Variants in XKR9 observed in about 807,000 individuals in gnomAD.
The protein encoded by XKR9 is XK related 9, also known as XK-related protein 9.
Under a neutral mutation model 32.0 loss-of-function variants are expected in XKR9, and 32 were observed. That is an observed-to-expected ratio of 1.00 (90% CI 0.76 to 1.34). The LOEUF (loss-of-function observed/expected upper bound fraction) is 1.34. XKR9 is among the 40% of genes most tolerant of loss of function. XKR9 has a pLI of 0.00. For synonymous variants in XKR9, 168 were observed against 143.4 expected, an observed-to-expected ratio of 1.17 and a Z score of -1.22; for missense variants, 546 against 429.7, an observed-to-expected ratio of 1.27 and a Z score of -2.39.
intron 3 of XKR9, among the ~76,000 whole-genome samples, chr8:70,701,083 G>T (rs544275157): frequency 6.6e-6 from 1 of 152,148 alleles, no homozygotes; most frequent in Non-Finnish European, 1.5e-5. Context: ...TCCAGGTGCC[G>T]TCTGTAACCC....
chr8:70,782,104 G>A (rs1010854029), intron 2 of XKR9, among the ~76,000 whole-genome samples: 2 of 151,448 alleles, frequency 1.3e-5, no homozygotes, highest in African/African-American at 4.8e-5. Flanking sequence ...ACTATCACCT[G>A]GACTTAGGTT....
chr8:70,964,143 A>G, the XKR9 span, among the ~76,000 whole-genome samples: 1 of 152,076 alleles, frequency 6.6e-6, no homozygotes, highest in Non-Finnish European at 1.5e-5. Flanking sequence ...ACTTTTTTGT[A>G]TAAGGTATAA....
At chr8:70,809,346 AAAAC>A in the XKR9 span, among the ~76,000 whole-genome samples, 1 of 152,218 alleles carries the variant, frequency 6.6e-6, no homozygotes, top group Non-Finnish European at 1.5e-5. Context: ...ACATGGGAAA[AAAAC>A]AGAGAAGAAA....
At chr8:70,769,984 G>A (rs149857581) in intron 2 of XKR9, among the ~76,000 whole-genome samples, 209 of 152,132 alleles carry the variant, frequency 1.4e-3, no homozygotes, top group Non-Finnish European at 1.8e-3. Context: ...TTCCCTTGCT[G>A]GCGAGGAATT....
chr8:70,964,210 T>C, the XKR9 span, among the ~76,000 whole-genome samples: 2 of 152,196 alleles, frequency 1.3e-5, no homozygotes, highest in Non-Finnish European at 2.9e-5. Flanking sequence ...CCCAGAACCA[T>C]TTATTAAATA....
At chr8:70,700,862 T>C (rs1315015440) in intron 3 of XKR9, among the ~76,000 whole-genome samples, 1 of 152,194 alleles carries the variant, frequency 6.6e-6, no homozygotes, top group African/African-American at 2.4e-5. Flanking sequence ...CCAGCTGCTT[T>C]GTTTACCTGA....
At chr8:70,812,929 T>A in the XKR9 span, among the ~76,000 whole-genome samples, 1 of 152,150 alleles carries the variant, frequency 6.6e-6, no homozygotes, top group Admixed American at 6.5e-5. Context: ...CTTCACAGAA[T>A]TGGAAAAAAC....
At chr8:70,810,196 C>A in the XKR9 span, among the ~76,000 whole-genome samples, 6 of 152,128 alleles carry the variant, frequency 3.9e-5, no homozygotes, top group South Asian at 2.1e-4. Context: ...AACTAAGCTT[C>A]ATAAGTGAAG....
At chr8:70,831,440 C>T in the XKR9 span, among the ~76,000 whole-genome samples, 1 of 151,972 alleles carries the variant, frequency 6.6e-6, no homozygotes, top group East Asian at 1.9e-4. Flanking sequence ...ATTTAAGTTT[C>T]TCTCGTGATT....
the XKR9 span, among the ~76,000 whole-genome samples, chr8:70,982,371 G>A: frequency 2.0e-5 from 3 of 152,262 alleles, no homozygotes; most frequent in South Asian, 6.2e-4. Flanking sequence ...TGGCTGTTGT[G>A]GGGGATAGCA....
intron 4 of XKR9, among the ~76,000 whole-genome samples, chr8:70,711,047 G>A (rs1296285244): frequency 6.6e-6 from 1 of 152,116 alleles, no homozygotes; most frequent in African/African-American, 2.4e-5. Context: ...AATAATTAGA[G>A]AAATGCAAAT....
the XKR9 span, among the ~76,000 whole-genome samples, chr8:70,855,192 G>T: frequency 6.6e-6 from 1 of 151,960 alleles, no homozygotes; most frequent in Non-Finnish European, 1.5e-5. Flanking sequence ...GGTAAAGGAG[G>T]AAGTTTGAAC....
the XKR9 span, among the ~76,000 whole-genome samples, chr8:70,829,656 G>C: frequency 6.6e-6 from 1 of 152,112 alleles, no homozygotes; most frequent in African/African-American, 2.4e-5. Flanking sequence ...CACTGTGTTA[G>C]CCGGGATGGT....
At chr8:70,944,179 C>A in the XKR9 span, among the ~76,000 whole-genome samples, 1 of 152,000 alleles carries the variant, frequency 6.6e-6, no homozygotes, top group East Asian at 1.9e-4. Flanking sequence ...TAGAGAGCTG[C>A]GCCCAAACCA....
intron 2 of XKR9, among the ~76,000 whole-genome samples, chr8:70,680,422 T>C (rs1036620233): frequency 4.6e-5 from 7 of 152,160 alleles, no homozygotes; most frequent in African/African-American, 1.7e-4. Context: ...TTTACAACTA[T>C]TGCACCTTTG....
intron 4 of XKR9, 109 bp from the exon 5 acceptor site, chr8:70,733,687 G>A (rs1193092030): frequency 2.9e-6 from 3 of 1,020,230 alleles, no homozygotes; most frequent in Non-Finnish European, 4.0e-6. Flanking sequence ...AGTAAAGTAT[G>A]TGACGTGTTT....
chr8:70,862,831 C>T, the XKR9 span, among the ~76,000 whole-genome samples: 18 of 151,988 alleles, frequency 1.2e-4, no homozygotes, highest in African/African-American at 4.1e-4. Flanking sequence ...GGGGAAACAG[C>T]GTGGTACTGA....
chr8:70,727,075 C>T (rs1224446192), intron 4 of XKR9, among the ~76,000 whole-genome samples: 5 of 152,166 alleles, frequency 3.3e-5, no homozygotes, highest in South Asian at 4.1e-4. Flanking sequence ...CCAGGACCCT[C>T]GATTCTTTTG....
At chr8:70,687,551 G>T (rs1007249964) in intron 3 of XKR9, among the ~76,000 whole-genome samples, 1 of 151,460 alleles carries the variant, frequency 6.6e-6, no homozygotes, top group Non-Finnish European at 1.5e-5. Context: ...TTATTTTTTT[G>T]TACAGATGGG....
Sources: allele counts gnomAD v4.1 joint callset (sites outside exome capture counted in the v4.1 genomes callset), GRCh38; gene constraint gnomAD v4.1.1; transcripts MANE v1.5; gene names NCBI Gene and HGNC (gene_info 2026-07-23, HGNC 2026-07-21).